Variants in DNMT3A observed in about 807,000 individuals in gnomAD.
DNMT3A encodes DNA methyltransferase 3 alpha.
DNMT3A carries 267 observed loss-of-function variants against 117.6 expected under a neutral mutation model. That is an observed-to-expected ratio of 2.27 (90% CI 2.05 to 2.51). The LOEUF (loss-of-function observed/expected upper bound fraction) is 2.51, where lower values mean the gene tolerates loss of function less well. Among genes scored for constraint, DNMT3A ranks in the 30% most tolerant of loss-of-function variants. The pLI is 0.00. For synonymous variants in DNMT3A, 432 were observed against 474.8 expected (o/e 0.91, Z 1.17); for missense variants, 1,029 against 1,260.2 (o/e 0.82, Z 2.78).
intron 1 of DNMT3A, 151 bp from the exon 2 acceptor site, chr2:25,314,312 C>G: frequency 2.0e-6 from 2 of 985,348 alleles, no homozygotes; most frequent in Non-Finnish European, 2.4e-6. Context: ...GAAACCGAGG[C>G]AGGCTCCCTT....
Position 25,247,434 on chromosome 2 carries a change from T to C in DNMT3A, c.1014+157A>G. The C allele has an allele frequency of 8.4e-7, 1 of 1,192,656 alleles. No homozygotes were observed. Among genetic ancestry groups the C allele is most frequent in the South Asian group, 1.5e-5 (1 of 64,580 alleles). 73.9% of individuals were successfully genotyped at this position (1,192,656 alleles called of 1,614,324 possible). On this transcript the variant is annotated intron_variant, in intron 8 of 22. Transcript: ENST00000321117. This position sits in a 1 kb window ranked among gnomAD's most constrained non-coding sequence, Gnocchi z 5.6. ...TCTCTGAGCCACAGGTGCAACCTAA[T>C]TATCCCTACAGCTTCTTCCACCCAC...
rs1302812309 is a variant in DNMT3A at position 25,327,247 on chromosome 2, T to C, written c.-177-13086A>G. ...GTTAATAATTCGTTATGTGAAACTT[T>C]CCTTGTTCCAATCACCATGTGGTTT... On this transcript the variant is annotated intron_variant, in intron 1 of 22. Transcript: ENST00000321117. The surrounding 1 kb of genome is among the most constrained non-coding windows in gnomAD (Gnocchi z 4.1). Among the ~76,000 whole-genome samples, 1 of 152,272 alleles carries C rather than the reference T, an allele frequency of 6.6e-6. No individual in the cohort carries two copies. Among genetic ancestry groups the C allele is most frequent in the Non-Finnish European group, 1.5e-5 (1 of 68,044 alleles).
chr2:25,287,909 A>G (rs1353578585), intron 3 of DNMT3A, among the ~76,000 whole-genome samples: 1 of 151,706 alleles, frequency 6.6e-6, no homozygotes, highest in Admixed American at 6.6e-5. Context: ...ATCTCGGCTC[A>G]CTACAACCTC....
At chr2:25,260,391 G>A (rs1676498274) in intron 6 of DNMT3A, among the ~76,000 whole-genome samples, 1 of 152,128 alleles carries the variant, frequency 6.6e-6, no homozygotes, top group Non-Finnish European at 1.5e-5. Context: ...TTCTGGTGAG[G>A]TAACACACAA....
At chr2:25,245,004 C>T (rs904507884) in intron 13 of DNMT3A, among the ~76,000 whole-genome samples, 1 of 152,246 alleles carries the variant, frequency 6.6e-6, no homozygotes, top group African/African-American at 2.4e-5. Context: ...CCCATCCCCA[C>T]ATCTGGGGAC....
chr2:25,303,197 C>CAA (rs2033610291), intron 2 of DNMT3A, among the ~76,000 whole-genome samples: 1 of 152,328 alleles, frequency 6.6e-6, no homozygotes, highest in African/African-American at 2.4e-5. Context: ...CTGAACTAAT[C>CAA]AGAGATGTGA....
intron 6 of DNMT3A, among the ~76,000 whole-genome samples, chr2:25,267,251 T>C (rs930585148): frequency 1.3e-5 from 2 of 152,220 alleles, no homozygotes; most frequent in East Asian, 1.9e-4. Context: ...TACACCAAAC[T>C]GATAGCATCA....
rs778366400 is a variant in DNMT3A, at chr2:25,248,109, C to A, written c.783G>T (p.Thr261=). The A allele has an allele frequency of 1.2e-6, 2 of 1,613,366 alleles. No individual in the cohort carries two copies. Among genetic ancestry groups the A allele is most frequent in the Non-Finnish European group, 1.7e-6 (2 of 1,180,006 alleles). The part of the protein sequence containing the change: ...TDPASPTVAT[T]PEPVGSDAGD... ...CAGCATCGGACCCCACGGGCTCAGG[C>A]GTGGTAGCCACAGTGGGGGATGCGG... Residue 261 remains threonine (T), a synonymous_variant, in exon 7 of 23, where the codon ACG becomes ACT. Coordinates refer to ENST00000321117, the MANE Select transcript of DNMT3A (RefSeq NM_022552.5).
Position 25,247,599 on chromosome 2 carries a change from A to G in DNMT3A, c.1006T>C (p.Phe336Leu). ...CAAACCCCACAACTTACCACTGAGA[A>G]TTTGCCGTCTCCGAACCACATGACC... ...RWVMWFGDGK[F>L]SVVCVEKLMP... is the part of the protein sequence containing the mutation. The change falls in exon 8 of 23, where the codon TTC (phenylalanine) becomes CTC (leucine). Residue 336 changes from phenylalanine (F) to leucine (L), a missense_variant. Phe to Leu is a conservative substitution (Grantham distance 22, BLOSUM62 0). Transcript: ENST00000321117. This position sits in a 1 kb window ranked among gnomAD's most constrained non-coding sequence, Gnocchi z 5.6. 1 of 1,613,838 alleles carries G rather than the reference A, an allele frequency of 6.2e-7. No homozygotes were observed. Among genetic ancestry groups the G allele is most frequent in the Admixed American group, 1.7e-5 (1 of 59,980 alleles).
intron 6 of DNMT3A, among the ~76,000 whole-genome samples, chr2:25,269,696 C>A (rs1452435937): frequency 6.6e-6 from 1 of 152,018 alleles, no homozygotes; most frequent in African/African-American, 2.4e-5. Flanking sequence ...AGAGCTTAGT[C>A]CTTACAGGAC....
At chr2:25,253,735 T>C (rs1344736139) in intron 6 of DNMT3A, among the ~76,000 whole-genome samples, 3 of 152,084 alleles carry the variant, frequency 2.0e-5, no homozygotes, top group Admixed American at 6.5e-5. Flanking sequence ...TGGAGGAAAA[T>C]GCACCCCACA....
intron 6 of DNMT3A, among the ~76,000 whole-genome samples, chr2:25,274,376 A>G (rs2031210639): frequency 6.6e-6 from 1 of 152,232 alleles, no homozygotes; most frequent in South Asian, 2.1e-4. Context: ...GAAGTAAGCC[A>G]GCTTTTGGGC....
chr2:25,341,952 C>T (rs1016426019), upstream of DNMT3A: 9 of 972,670 alleles, frequency 9.3e-6, no homozygotes, highest in Non-Finnish European at 1.1e-5. Flanking sequence ...GGCCCGCCTG[C>T]CTGCCTCGCT....
chr2:25,245,171 G>T, intron 13 of DNMT3A, 82 bp downstream of exon 13: 1 of 1,364,422 alleles, frequency 7.3e-7, no homozygotes, highest in Non-Finnish European at 1.0e-6. Context: ...CCCTGTACAT[G>T]CCCAGAAGCG....
intron 3 of DNMT3A, among the ~76,000 whole-genome samples, chr2:25,299,666 C>T (rs1479189667): frequency 6.6e-6 from 1 of 152,200 alleles, no homozygotes; most frequent in Non-Finnish European, 1.5e-5. Context: ...CGCGGTGGCT[C>T]ATGCCTGTAA....
chr2:25,251,064 G>A (rs1675469960), intron 6 of DNMT3A, among the ~76,000 whole-genome samples: 1 of 151,254 alleles, frequency 6.6e-6, no homozygotes, highest in Non-Finnish European at 1.5e-5. Context: ...CCCACTTGGT[G>A]CAGAACACGC....
intron 6 of DNMT3A, among the ~76,000 whole-genome samples, chr2:25,249,251 C>G (rs1172013446): frequency 6.6e-6 from 1 of 152,174 alleles, no homozygotes; most frequent in Non-Finnish European, 1.5e-5. Flanking sequence ...CAAGGGGGAC[C>G]CTCTCTTCTT....
Position 25,252,360 on chromosome 2 carries a change from A to C in DNMT3A, c.640-4108T>G. On this transcript the variant is annotated intron_variant, in intron 6 of 22. Coordinates refer to ENST00000321117, the MANE Select transcript of DNMT3A (RefSeq NM_022552.5). The surrounding 1 kb of genome is among the most constrained non-coding windows in gnomAD (Gnocchi z 5.5). The stretch of plus-strand genomic sequence containing the variant: ...GGGCGGCGGGGGGGAGGGAGGGAAC[A>C]TTTTCTTTGTCTAGGACTCCAGGTC... The C allele has an allele frequency of 3.3e-6, 2 of 612,350 alleles. No homozygotes were observed. Among genetic ancestry groups the C allele is most frequent in the Non-Finnish European group, 5.0e-6 (2 of 397,724 alleles). 37.9% of individuals were successfully genotyped at this position (612,350 alleles called of 1,614,324 possible).
rs1320596470 is a variant in DNMT3A, at chr2:25,294,534, G to A, written c.177+5605C>T. On this transcript the variant is annotated intron_variant, in intron 3 of 22. Transcript: ENST00000321117. This position sits in a 1 kb window ranked among gnomAD's most constrained non-coding sequence, Gnocchi z 4.7. ...GAAGTTATATGCATAAAAGGTAGGG[G>A]CACCATATCACCCAGCCGAGGTCCG... Among the ~76,000 whole-genome samples, 1 of 152,166 alleles carries A rather than the reference G, an allele frequency of 6.6e-6. No homozygotes were observed. Among genetic ancestry groups the A allele is most frequent in the South Asian group, 2.1e-4 (1 of 4,824 alleles).
Sources: allele counts gnomAD v4.1 joint callset (sites outside exome capture counted in the v4.1 genomes callset), GRCh38; gene constraint gnomAD v4.1.1; non-coding constraint Gnocchi (gnomAD v3.1); transcripts MANE v1.5; gene names NCBI Gene and HGNC (gene_info 2026-07-23, HGNC 2026-07-21).